RAB38: variants seen among roughly 807,000 people sequenced by gnomAD.
The protein encoded by RAB38 is RAB38, member RAS oncogene family, also known as ras-related protein Rab-38.
In RAB38, 15 loss-of-function variants were observed where a neutral mutation model predicts 18.4. The ratio of observed to expected loss-of-function variants is 0.82; its 90% CI spans 0.55 to 1.26. The LOEUF is 1.26. Among genes scored for constraint, RAB38 ranks in the 50% most tolerant of loss-of-function variants. The pLI, the probability that RAB38 is intolerant of heterozygous loss-of-function variation, is 0.00. For missense variants in RAB38, 294 were observed against 267.4 expected (o/e 1.10, Z -0.69); for synonymous variants, 101 against 104.4 (o/e 0.97, Z 0.20).
intron 1 of RAB38, among the ~76,000 whole-genome samples, chr11:88,163,033 C>T (rs574421910): frequency 6.6e-6 from 1 of 152,222 alleles, no homozygotes; most frequent in East Asian, 1.9e-4. Flanking sequence ...CTTCACTCTT[C>T]TATATTCCCA....
At chr11:87,918,523 CAT>C in the RAB38 span, among the ~76,000 whole-genome samples, 4 of 151,998 alleles carry the variant, frequency 2.6e-5, no homozygotes, top group Non-Finnish European at 5.9e-5. Flanking sequence ...CTCTTTTCTC[CAT>C]ATCTTTGCCA....
the RAB38 span, among the ~76,000 whole-genome samples, chr11:87,853,519 T>C: frequency 6.6e-6 from 1 of 152,192 alleles, no homozygotes. Context: ...ATGTCTATTG[T>C]TTAGGCTACA....
At chr11:87,956,079 T>C in the RAB38 span, among the ~76,000 whole-genome samples, 1 of 146,632 alleles carries the variant, frequency 6.8e-6, no homozygotes, top group Admixed American at 7.0e-5. Context: ...TTTTCTGAGC[T>C]AATAAAATAA....
chr11:87,878,337 A>G, the RAB38 span, among the ~76,000 whole-genome samples: 1 of 149,230 alleles, frequency 6.7e-6, no homozygotes, highest in Non-Finnish European at 1.5e-5. Flanking sequence ...TCTATCATCT[A>G]TCTATCTATC....
chr11:87,946,472 G>T, the RAB38 span, among the ~76,000 whole-genome samples: 1 of 152,100 alleles, frequency 6.6e-6, no homozygotes. Flanking sequence ...CATGTGCCAT[G>T]TTGGTGTGCT....
the RAB38 span, among the ~76,000 whole-genome samples, chr11:88,094,806 G>A: frequency 6.6e-6 from 1 of 151,972 alleles, no homozygotes; most frequent in African/African-American, 2.4e-5. Context: ...TGTGCTGGCA[G>A]GCAATTATAT....
chr11:88,083,112 T>C, the RAB38 span, among the ~76,000 whole-genome samples: 7 of 151,844 alleles, frequency 4.6e-5, no homozygotes, highest in Non-Finnish European at 8.8e-5. Flanking sequence ...TTCTTCTAGA[T>C]AGATGCAAGG....
intron 2 of RAB38, among the ~76,000 whole-genome samples, chr11:88,116,169 A>G (rs1942549309): frequency 6.6e-6 from 1 of 152,120 alleles, no homozygotes; most frequent in South Asian, 2.1e-4. Flanking sequence ...TGCTTTTTGG[A>G]ACGGACCCAG....
the RAB38 span, among the ~76,000 whole-genome samples, chr11:87,962,239 C>A: frequency 6.6e-6 from 1 of 152,050 alleles, no homozygotes; most frequent in Non-Finnish European, 1.5e-5. Flanking sequence ...AAAAAATCCC[C>A]GATTTGACAT....
the RAB38 span, among the ~76,000 whole-genome samples, chr11:88,041,453 GTT>G: frequency 2.6e-5 from 4 of 152,186 alleles, no homozygotes; most frequent in Admixed American, 2.6e-4. Flanking sequence ...ATTACAATAA[GTT>G]TTGTTACACG....
intron 1 of RAB38, chr11:88,173,748 G>A: frequency 1.0e-6 from 1 of 985,318 alleles, no homozygotes; most frequent in Non-Finnish European, 1.2e-6. Context: ...TCCAACAGTG[G>A]CTGATAACAT....
At chr11:88,065,819 G>A in the RAB38 span, among the ~76,000 whole-genome samples, 1 of 152,176 alleles carries the variant, frequency 6.6e-6, no homozygotes, top group Admixed American at 6.5e-5. Context: ...CTCAGTTTAT[G>A]TTCATCATGG....
the RAB38 span, among the ~76,000 whole-genome samples, chr11:88,094,193 T>A: frequency 6.6e-6 from 1 of 151,894 alleles, no homozygotes; most frequent in Non-Finnish European, 1.5e-5. Context: ...TGAAGCCAGA[T>A]TTGGTGCTTT....
chr11:87,951,407 C>A, the RAB38 span, among the ~76,000 whole-genome samples: 1 of 152,162 alleles, frequency 6.6e-6, no homozygotes, highest in South Asian at 2.1e-4. Context: ...CAAAGTCATT[C>A]TCCATCCAGC....
At chr11:88,031,931 A>G in the RAB38 span, among the ~76,000 whole-genome samples, 3 of 151,850 alleles carry the variant, frequency 2.0e-5, no homozygotes, top group African/African-American at 4.8e-5. Context: ...AGTCAATCCT[A>G]AGCCAAAAGA....
chr11:88,023,383 C>G, the RAB38 span, among the ~76,000 whole-genome samples: 1 of 150,706 alleles, frequency 6.6e-6, no homozygotes, highest in African/African-American at 2.4e-5. Context: ...CTACAAAACA[C>G]TGATAAAAAT....
chr11:87,827,917 C>T, the RAB38 span, among the ~76,000 whole-genome samples: 1 of 152,270 alleles, frequency 6.6e-6, no homozygotes, highest in East Asian at 1.9e-4. Context: ...CTTCTAAATG[C>T]AGTGTAGTAT....
the RAB38 span, among the ~76,000 whole-genome samples, chr11:88,060,841 T>C: frequency 3.9e-3 from 591 of 152,316 alleles, 8 homozygotes; most frequent in African/African-American, 0.013. Flanking sequence ...TAGCAGGTTA[T>C]CTAAGCTATC....
the RAB38 span, among the ~76,000 whole-genome samples, chr11:87,838,399 T>C: frequency 3.3e-5 from 5 of 152,138 alleles, no homozygotes; most frequent in East Asian, 1.9e-4. Flanking sequence ...TAGGCGTGAG[T>C]CACTGTGCCT....
Sources: gnomAD v4.1 joint callset for allele counts (sites outside exome capture counted in the v4.1 genomes callset) on GRCh38, gnomAD v4.1.1 for gene constraint, MANE v1.5 for transcripts, NCBI Gene and HGNC (gene_info 2026-07-23, HGNC 2026-07-21) for gene names.